The following DPYD variants were observed in gnomAD, a reference collection of about 807,000 sequenced individuals.
The protein encoded by DPYD is dihydropyrimidine dehydrogenase [NADP(+)].
In DPYD, 109 loss-of-function variants were observed where a neutral mutation model predicts 116.2. That is an observed-to-expected ratio of 0.94 (90% CI 0.80 to 1.10). The LOEUF (loss-of-function observed/expected upper bound fraction) is 1.10. DPYD is among the 50% of genes least tolerant of loss of function. The probability of loss-of-function intolerance (pLI) is 0.00; values close to 1 mark genes in which losing one functional copy is unlikely to be tolerated. For missense variants in DPYD, 1,302 were observed against 1,254.5 expected (o/e 1.04, Z -0.57); for synonymous variants, 440 against 432.0 (o/e 1.02, Z -0.23).
At chr1:97,883,782 T>A (rs927383978) in intron 1 of DPYD, 8 of 426,498 alleles carry the variant, frequency 1.9e-5, no homozygotes, top group African/African-American at 1.7e-4. Flanking sequence ...TAAGATTTCC[T>A]CTTACAGGCC....
At chr1:97,565,080 A>G (rs182774220) in intron 11 of DPYD, among the ~76,000 whole-genome samples, 1 of 152,262 alleles carries the variant, frequency 6.6e-6, no homozygotes, top group African/African-American at 2.4e-5. Flanking sequence ...CCATCTGAGC[A>G]TAGGTTCTCA....
At chr1:97,314,512 A>G (rs1333702200) in intron 16 of DPYD, among the ~76,000 whole-genome samples, 2 of 60,222 alleles carry the variant, frequency 3.3e-5, no homozygotes, top group Non-Finnish European at 7.0e-5. Context: ...TTTTTTTTTT[A>G]CAAATGGACA....
rs757376267 is a variant in DPYD, at chr1:97,079,134, C to A, written c.2920G>T (p.Asp974Tyr). 3.1e-6 allele frequency: 5 copies of A among 1,613,308 alleles called. No individual in the cohort carries two copies. Among genetic ancestry groups the A allele is most frequent in the Non-Finnish European group, 4.2e-6 (5 of 1,179,606 alleles). Residue 974 changes from aspartate (D) to tyrosine (Y), a missense_variant, in exon 23 of 23, where the codon GAT becomes TAT. Coordinates refer to ENST00000370192, the MANE Select transcript of DPYD (RefSeq NM_000110.4). ...NDSGYQAIQF[D>Y]PETHLPTITD... ...ATGGTGGGCAGGTGGGTTTCTGGAT[C>A]AAACTGTATAGCCTGCAAACAGAAA...
chr1:97,349,593 G>A (rs979638610), intron 16 of DPYD, among the ~76,000 whole-genome samples: 29 of 151,932 alleles, frequency 1.9e-4, no homozygotes, highest in Non-Finnish European at 3.5e-4. Context: ...GAGAAAATGC[G>A]GTGTTTGGTT....
chr1:97,871,019 T>C (rs1671632647), intron 2 of DPYD, among the ~76,000 whole-genome samples: 1 of 151,936 alleles, frequency 6.6e-6, no homozygotes, highest in South Asian at 2.1e-4. Flanking sequence ...AGGTAAAATA[T>C]ACCATTAGAC....
At chr1:97,079,969 T>C (rs1362624361) in intron 22 of DPYD, among the ~76,000 whole-genome samples, 1 of 152,060 alleles carries the variant, frequency 6.6e-6, no homozygotes, top group African/African-American at 2.4e-5. Context: ...GGACCGAGTT[T>C]TTTTTAAAAA....
chr1:97,134,604 A>G (rs1653642812), intron 20 of DPYD, among the ~76,000 whole-genome samples: 1 of 152,188 alleles, frequency 6.6e-6, no homozygotes, highest in African/African-American at 2.4e-5. Context: ...GTGTCAACAA[A>G]GGCTTCCTTA....
At chr1:97,190,482 C>A (rs2101817978) in intron 20 of DPYD, among the ~76,000 whole-genome samples, 1 of 152,232 alleles carries the variant, frequency 6.6e-6, no homozygotes, top group African/African-American at 2.4e-5. Flanking sequence ...CACAAGCATG[C>A]TGCATGGTTT....
chr1:97,358,771 C>A (rs1670555794), intron 16 of DPYD, among the ~76,000 whole-genome samples: 1 of 150,642 alleles, frequency 6.6e-6, no homozygotes, highest in Admixed American at 6.6e-5. Context: ...TCAACATCAA[C>A]AAAAAGGACA....
intron 1 of DPYD, among the ~76,000 whole-genome samples, chr1:97,916,789 C>T (rs1674236589): frequency 6.6e-6 from 1 of 152,144 alleles, no homozygotes; most frequent in Admixed American, 6.5e-5. Context: ...GAAAGGTTCG[C>T]TTGAGCCCAA....
At chr1:97,124,949 G>A (rs553769653) in intron 20 of DPYD, among the ~76,000 whole-genome samples, 1 of 152,212 alleles carries the variant, frequency 6.6e-6, no homozygotes, top group South Asian at 2.1e-4. Flanking sequence ...GGGTATGAAA[G>A]AAAAACTCTA....
chr1:97,308,842 T>C (rs1368908488), intron 16 of DPYD, among the ~76,000 whole-genome samples: 4 of 151,918 alleles, frequency 2.6e-5, no homozygotes, highest in Admixed American at 6.6e-5. Context: ...ATCTGAAATA[T>C]ACAAAAGTAC....
intron 3 of DPYD, among the ~76,000 whole-genome samples, chr1:97,803,578 AAC>A (rs1005802859): frequency 9.2e-5 from 14 of 152,026 alleles, no homozygotes; most frequent in African/African-American, 3.4e-4. Context: ...CTACACAAAA[AAC>A]AGAGAGATGA....
At chr1:97,687,431 C>G (rs139749461) in intron 7 of DPYD, among the ~76,000 whole-genome samples, 184 of 152,168 alleles carry the variant, frequency 1.2e-3, no homozygotes, top group African/African-American at 4.1e-3. Flanking sequence ...CAATGAGATA[C>G]CATTTCACAC....
At chr1:97,275,617 T>G (rs1167061610) in intron 18 of DPYD, among the ~76,000 whole-genome samples, 1 of 152,168 alleles carries the variant, frequency 6.6e-6, no homozygotes, top group Non-Finnish European at 1.5e-5. Flanking sequence ...AAAATTGAGG[T>G]GTTTGAATAT....
At chr1:97,589,844 G>A (rs975823983) in intron 10 of DPYD, among the ~76,000 whole-genome samples, 3 of 151,986 alleles carry the variant, frequency 2.0e-5, no homozygotes, top group African/African-American at 7.3e-5. Flanking sequence ...CATATTTGAC[G>A]ACATCTCTAA....
intron 21 of DPYD, among the ~76,000 whole-genome samples, chr1:97,089,351 C>T (rs1013763140): frequency 4.7e-4 from 71 of 152,120 alleles, no homozygotes; most frequent in African/African-American, 1.7e-3. Context: ...GAATAAAGCA[C>T]GTTTCTCATT....
At position 97,720,047 on chromosome 1, in the gene DPYD, A is replaced by G. The variant is rs1469314519; in HGVS notation, c.483+1463T>C. 7 of 984,972 alleles carry G rather than the reference A, an allele frequency of 7.1e-6. No individual in the cohort carries two copies. The East Asian group carries it at 6.8e-4, about 96-fold the overall frequency. The allele number at this position is 984,972 out of a possible 1,614,324, so 61.0% of individuals were successfully genotyped here. A position where few individuals can be genotyped will look rare whatever the true frequency, so the allele number is the denominator to read the frequency against. Reference sequence around the variant, plus strand: ...CTCTGCTCTGGGAATGAGTGGTAGAACCAAGTAAGAGTTCCCAGAGGGACA... The same window carrying G: ...CTCTGCTCTGGGAATGAGTGGTAGAGCCAAGTAAGAGTTCCCAGAGGGACA... On this transcript the variant is annotated intron_variant, in intron 5 of 22. Coordinates refer to ENST00000370192, the MANE Select transcript of DPYD (RefSeq NM_000110.4).
intron 19 of DPYD, among the ~76,000 whole-genome samples, chr1:97,198,964 G>C (rs1659011893): frequency 6.6e-6 from 1 of 152,076 alleles, no homozygotes; most frequent in Admixed American, 6.6e-5. Flanking sequence ...CCTCCTCCAG[G>C]GGTCTGACAC....
Sources: gnomAD v4.1 joint callset for allele counts (sites outside exome capture counted in the v4.1 genomes callset) on GRCh38, gnomAD v4.1.1 for gene constraint, MANE v1.5 for transcripts, NCBI Gene and HGNC (gene_info 2026-07-23, HGNC 2026-07-21) for gene names.